Variants in DNAH6 observed in about 807,000 individuals in gnomAD.
DNAH6 encodes the protein dynein axonemal heavy chain 6.
DNAH6 carries 340 observed loss-of-function variants against 491.4 expected under a neutral mutation model. The observed-to-expected ratio is 0.69, with a 90% confidence interval of 0.63 to 0.76. DNAH6 has a LOEUF of 0.76. Ranked by LOEUF, DNAH6 falls within the 30% of genes least tolerant of loss-of-function variation. DNAH6 has a pLI of 0.00. For missense variants in DNAH6, 4,443 were observed against 4,972.2 expected, an observed-to-expected ratio of 0.89 and a Z score of 3.20; for synonymous variants, 1,603 against 1,686.1, an observed-to-expected ratio of 0.95 and a Z score of 1.21.
intron 4 of DNAH6, among the ~76,000 whole-genome samples, chr2:84,537,074 A>G (rs1020125065): frequency 6.6e-6 from 1 of 152,062 alleles, no homozygotes; most frequent in African/African-American, 2.4e-5. Context: ...TCAAAGTTTG[A>G]GAAGCATTGT....
chr2:84,624,589 C>A lies in DNAH6; in HGVS notation c.4322C>A (p.Ala1441Glu). The change falls in exon 28 of 77, where the codon GCA becomes GAA. Residue 1441 changes from alanine to glutamate, a missense_variant. This residue lies in a region of DNAH6 where 2,977 missense variants were observed against 3,296.6 expected (regional missense o/e 0.90). Coordinates refer to ENST00000389394, the MANE Select transcript of DNAH6 (RefSeq NM_001370.2). ...ACTTATGGCTATGAATATTTGGGTG[C>A]ATGCCCAAGATTGGTTATTACTCCA... Reference protein sequence around the residue: ...QYTYGYEYLGACPRLVITPLT... With the variant: ...QYTYGYEYLGECPRLVITPLT... 2 of 1,551,496 alleles carry A rather than the reference C, an allele frequency of 1.3e-6. No individual in the cohort carries two copies. Among genetic ancestry groups the A allele is most frequent in the South Asian group, 1.2e-5 (1 of 84,048 alleles).
At position 84,762,903 on chromosome 2, in the gene DNAH6, G is replaced by C; in HGVS notation, c.10661G>C (p.Gly3554Ala). 1 of 1,551,530 alleles carries C rather than the reference G, an allele frequency of 6.4e-7. No individual in the cohort carries two copies. Among genetic ancestry groups the C allele is most frequent in the Non-Finnish European group, 8.7e-7 (1 of 1,146,844 alleles). Residue 3554 changes from glycine to alanine, a missense_variant, in exon 64 of 77, where the codon GGT becomes GCT. Around this residue, in one of 3 missense-constraint regions of DNAH6, gnomAD observed 1,463 missense variants for 1,656.6 expected, o/e 0.88. Transcript: ENST00000389394. ...CTAAGCACAGGCTCAGATCCCATGG[G>C]TGCATTTCAGAGGTTTGCCAGGGAA... ...FILSTGSDPM[G>A]AFQRFARESG...
intron 29 of DNAH6, among the ~76,000 whole-genome samples, chr2:84,632,454 A>G (rs1443132482): frequency 6.6e-6 from 1 of 152,240 alleles, no homozygotes; most frequent in Admixed American, 6.5e-5. Context: ...CACCATGACC[A>G]CAGACATGTT....
At chr2:84,740,110 T>G (rs1672372385) in intron 62 of DNAH6, among the ~76,000 whole-genome samples, 1 of 152,156 alleles carries the variant, frequency 6.6e-6, no homozygotes, top group Non-Finnish European at 1.5e-5. Context: ...TGTGTATGAT[T>G]AATTGGCTTC....
chr2:84,553,158 A>AG (rs1379173548), intron 10 of DNAH6, 124 bp downstream of exon 10: 1 of 629,306 alleles, frequency 1.6e-6, no homozygotes, highest in Admixed American at 2.7e-5. Context: ...TGAGAAAGAG[A>AG]GAAAGCATTG....
the DNAH6 span, among the ~76,000 whole-genome samples, chr2:84,478,523 T>C: frequency 6.6e-6 from 1 of 152,186 alleles, no homozygotes; most frequent in Non-Finnish European, 1.5e-5. Flanking sequence ...TTGGACCTTA[T>C]AGGAATGTCA....
At chr2:84,786,340 T>C (rs898515436) in intron 67 of DNAH6, among the ~76,000 whole-genome samples, 3 of 150,902 alleles carry the variant, frequency 2.0e-5, no homozygotes, top group Non-Finnish European at 4.4e-5. Flanking sequence ...GTGGGAGGAT[T>C]GCTTGAGCCT....
chr2:84,593,232 A>C (rs1684274602), intron 16 of DNAH6, among the ~76,000 whole-genome samples: 1 of 152,160 alleles, frequency 6.6e-6, no homozygotes, highest in South Asian at 2.1e-4. Flanking sequence ...TCTCTGATCT[A>C]GCCTTCCTTC....
chr2:84,695,177 G>T (rs1355608185), intron 46 of DNAH6, among the ~76,000 whole-genome samples: 1 of 152,048 alleles, frequency 6.6e-6, no homozygotes, highest in Non-Finnish European at 1.5e-5. Flanking sequence ...GAAAAGTCAA[G>T]CACATCTATA....
At chr2:84,609,827 A>G (rs565807030) in intron 21 of DNAH6, among the ~76,000 whole-genome samples, 1 of 152,302 alleles carries the variant, frequency 6.6e-6, no homozygotes, top group African/African-American at 2.4e-5. Flanking sequence ...CAGGGTTGCC[A>G]CAAAACTTCA....
At chr2:84,527,873 C>G (rs1222791392) in intron 3 of DNAH6, among the ~76,000 whole-genome samples, 1 of 152,146 alleles carries the variant, frequency 6.6e-6, no homozygotes, top group Non-Finnish European at 1.5e-5. Flanking sequence ...CCTCTGCCAG[C>G]TATGTTAATA....
chr2:84,656,315 T>C (rs1053793854), intron 35 of DNAH6, among the ~76,000 whole-genome samples: 2 of 152,142 alleles, frequency 1.3e-5, no homozygotes, highest in Non-Finnish European at 2.9e-5. Context: ...TACCTAGGAA[T>C]GTGGTTGCTG....
At chr2:84,528,586 G>A (rs1573509536) in intron 3 of DNAH6, among the ~76,000 whole-genome samples, 2 of 152,130 alleles carry the variant, frequency 1.3e-5, no homozygotes, top group African/African-American at 4.8e-5. Context: ...AGCAAGGAGG[G>A]AAGAGGGCTC....
intron 16 of DNAH6, among the ~76,000 whole-genome samples, chr2:84,593,254 A>G (rs1398019435): frequency 6.6e-6 from 1 of 152,096 alleles, no homozygotes; most frequent in East Asian, 1.9e-4. Context: ...GTGGCTCTCA[A>G]TTATTTGGAG....
chr2:84,551,740 C>T (rs1263438578), intron 9 of DNAH6, among the ~76,000 whole-genome samples: 1 of 152,146 alleles, frequency 6.6e-6, no homozygotes, highest in Non-Finnish European at 1.5e-5. Flanking sequence ...TGTCAGTTTA[C>T]AGCAATGTTT....
At chr2:84,786,261 A>G (rs1432579734) in intron 67 of DNAH6, among the ~76,000 whole-genome samples, 1 of 151,996 alleles carries the variant, frequency 6.6e-6, no homozygotes, top group African/African-American at 2.4e-5. Flanking sequence ...CCCCATCTCT[A>G]CAAAAGTTTT....
At chr2:84,690,097 C>T (rs1275843279) in intron 45 of DNAH6, among the ~76,000 whole-genome samples, 1 of 152,182 alleles carries the variant, frequency 6.6e-6, no homozygotes, top group Non-Finnish European at 1.5e-5. Flanking sequence ...GGAATAAATA[C>T]AGTAAAATAC....
chr2:84,478,871 A>T, the DNAH6 span, among the ~76,000 whole-genome samples: 1 of 152,164 alleles, frequency 6.6e-6, no homozygotes, highest in Non-Finnish European at 1.5e-5. Context: ...AATGAGGGGA[A>T]TTTTACTGCT....
intron 14 of DNAH6, 23 bp downstream of exon 14, chr2:84,579,702 C>T (rs781440072): frequency 3.9e-6 from 6 of 1,532,092 alleles, no homozygotes; most frequent in Non-Finnish European, 5.3e-6. Flanking sequence ...TCTCATATAA[C>T]TCAATATTCC....
Sources: allele counts gnomAD v4.1 joint callset (sites outside exome capture counted in the v4.1 genomes callset), GRCh38; gene constraint gnomAD v4.1.1; regional missense constraint gnomAD v4.1.1; transcripts MANE v1.5; gene names NCBI Gene and HGNC (gene_info 2026-07-23, HGNC 2026-07-21).